RGN: variants seen among roughly 807,000 people sequenced by gnomAD.
RGN encodes the protein regucalcin.
A neutral mutation model predicts 20.6 loss-of-function variants in RGN; 19 were observed. That is an observed-to-expected ratio of 0.92 (90% CI 0.64 to 1.35). The LOEUF is 1.35. Ranked by LOEUF, RGN falls within the 40% of genes most tolerant of loss-of-function variation. The pLI is 0.00. For synonymous variants in RGN, 85 were observed against 87.2 expected (o/e 0.97, Z 0.14); for missense variants, 302 against 232.7 (o/e 1.30, Z -1.94).
rs192792256 is a variant in RGN at position 47,080,426 on chromosome X, C to A, written c.-526C>A. 9.0e-6 allele frequency: 1 copy of A among 111,649 alleles called. No individual in the cohort carries two copies. The highest frequency in any genetic ancestry group is 1.9e-5 in the Non-Finnish European group (1 of 53,175). The allele number at this position is 111,649 out of a possible 1,213,427, so 9.2% of individuals were successfully genotyped here. A position where few individuals can be genotyped will look rare whatever the true frequency, so the allele number is the denominator to read the frequency against. Reference sequence around the variant, plus strand: ...TCTAACACTCTTTGCCAAACTGGCACGGTGTCTTCCTGGGAAGCAAGAAAT... The same window carrying A: ...TCTAACACTCTTTGCCAAACTGGCAAGGTGTCTTCCTGGGAAGCAAGAAAT... On this transcript the variant is annotated 5_prime_UTR_variant, in exon 2 of 8. Coordinates refer to ENST00000397180, the MANE Select transcript of RGN (RefSeq NM_152869.4).
chrX:47,087,742 G>GT (rs1348696023), intron 4 of RGN: 1 of 106,628 alleles, frequency 9.4e-6, no homozygotes, highest in Non-Finnish European at 1.9e-5. Context: ...CATTGTAGGT[G>GT]TAACTATTAG....
Position 47,092,053 on chromosome X carries a change from T to C in RGN, c.695-8T>C. On this transcript the variant is annotated splice_region_variant and splice_polypyrimidine_tract_variant and intron_variant, in intron 6 of 7. Coordinates refer to ENST00000397180, the MANE Select transcript of RGN (RefSeq NM_152869.4). ...ACTAAACTTAAAATAAAATATTTGG[T>C]GGTCTAGGGAAAAGACTTCAAACTG... 3.3e-6 allele frequency: 4 copies of C among 1,197,096 alleles called. No homozygotes were observed. The highest frequency in any genetic ancestry group is 4.5e-6 in the Non-Finnish European group (4 of 885,535).
Position 47,091,814 on chromosome X carries a change from G to A in RGN, c.694+5G>A. On this transcript the variant is annotated splice_donor_5th_base_variant and intron_variant, in intron 6 of 7. Coordinates refer to ENST00000397180, the MANE Select transcript of RGN (RefSeq NM_152869.4). ...TTCGTTTAGATCCTGTGACAGGTAG[G>A]CCTGCAGCAAAATGAAAAATCCTTG... The A allele has an allele frequency of 2.5e-6, 3 of 1,202,341 alleles. No homozygotes were observed. The highest frequency in any genetic ancestry group is 2.2e-6 in the Non-Finnish European group (2 of 892,686).
Position 47,088,697 on chromosome X carries a change from C to T in RGN, c.347-1079C>T, listed in dbSNP as rs1157683869. Among the ~76,000 whole-genome samples the T allele has an allele frequency of 1.3e-4, 14 of 108,314 alleles. No individual in the cohort carries two copies. The Admixed American group carries it at 1.4e-3, about 11-fold the overall frequency. 94.1% of individuals were successfully genotyped at this position (108,314 alleles called of 115,157 possible). On this transcript the variant is annotated intron_variant, in intron 4 of 7. Coordinates refer to ENST00000397180, the MANE Select transcript of RGN (RefSeq NM_152869.4). ...CTATAATCCCAGCACTTTGGGAGGC[C>T]GAGGCAAGTAGATCACTTGAGCTCG...
rs5952997 is a variant in RGN, at chrX:47,092,954, G to A, written c.*7G>A. On this transcript the variant is annotated 3_prime_UTR_variant, in exon 8 of 8. Transcript: ENST00000397180. ...CTACTCCTATGCGGGATGAGGACAG[G>A]TCTTCTTTCCTGCCAGAGGGAGCTC... 13,433 of 1,189,238 alleles carry A rather than the reference G, an allele frequency of 0.011. 60 individuals are homozygous for A. Among genetic ancestry groups the A allele is most frequent in the Middle Eastern group, 0.015 (66 of 4,291 alleles).
At chrX:47,085,044 T>TATTGCCTG (rs1930523667) in intron 4 of RGN, 1 of 113,696 alleles carries the variant, frequency 8.8e-6, no homozygotes, top group Non-Finnish European at 1.8e-5. Context: ...CTTCTTTTAT[T>TATTGCCTG]ATTGCCTGAG....
rs1460855937 is a variant in RGN, at chrX:47,090,948, GAAAGAAAGA to G, written c.563-727_563-719del. Among the ~76,000 whole-genome samples the G allele has an allele frequency of 6.9e-4, 35 of 50,753 alleles. 2 individuals carry two copies. The highest frequency in any genetic ancestry group is 4.5e-3 in the Admixed American group (20 of 4,449). 44.1% of individuals were successfully genotyped at this position (50,753 alleles called of 115,157 possible). A position where few individuals can be genotyped will look rare whatever the true frequency, so the allele number is the denominator to read the frequency against. On this transcript the variant is annotated intron_variant, in intron 5 of 7. Transcript: ENST00000397180. The stretch of plus-strand genomic sequence containing the variant: ...AGAAAGAAAGAAAGAAAGAAAGAAA[GAAAGAAAGA>G]AAGAAAGAAAGAAAGAAAGAAAGAA...
At chrX:47,090,909 G>GAAAGA (rs1418685695) in intron 5 of RGN, among the ~76,000 whole-genome samples, 25 of 17,010 alleles carry the variant, frequency 1.5e-3, no homozygotes, top group African/African-American at 3.7e-3. Flanking sequence ...AAGAAAGAAA[G>GAAAGA]AAGAAGGAAA....
intron 7 of RGN, 46 bp downstream of exon 7, chrX:47,092,261 A>G (rs1176708627): frequency 9.4e-7 from 1 of 1,068,389 alleles, no homozygotes; most frequent in African/African-American, 1.9e-5. Flanking sequence ...GATCCCAAAT[A>G]CTTACAGGGG....
rs138747840 is a variant in RGN, at chrX:47,089,882, C to G, written c.453C>G (p.Asp151Glu). 947 of 1,205,604 alleles carry G rather than the reference C, an allele frequency of 7.9e-4. 1 individual carries two copies. The highest frequency in any genetic ancestry group is 9.6e-4 in the Non-Finnish European group (860 of 893,071). The change falls in exon 5 of 8, where the codon GAC becomes GAG. Residue 151 changes from aspartate (D) to glutamate (E), a missense_variant. Transcript: ENST00000397180. ...TGAAAAAGTACTTTGACCAGGTGGA[C>G]ATTTCCAATGGTTTGGATTGGTCGC... ...HHVKKYFDQV[D>E]ISNGLDWSLD... is the part of the protein sequence containing the mutation.
intron 4 of RGN, among the ~76,000 whole-genome samples, chrX:47,088,542 T>C (rs1930707893): frequency 9.0e-6 from 1 of 110,858 alleles, no homozygotes; most frequent in African/African-American, 3.3e-5. Context: ...GATTCTCTTC[T>C]CCTATGTGAG....
chrX:47,084,592 A>G lies in RGN; in HGVS notation c.338A>G (p.Tyr113Cys). 2 of 1,182,668 alleles carry G rather than the reference A, an allele frequency of 1.7e-6. No individual in the cohort carries two copies. The highest frequency in any genetic ancestry group is 1.1e-6 in the Non-Finnish European group (1 of 878,753). ...GGGAAGGTGGATCCCGCCGGGAGGT[A>G]CTTTGCTGGTAAGATTTCTCTTAAC... ...NDGKVDPAGR[Y>C]FAGTMAEETA... Residue 113 changes from tyrosine (Y) to cysteine (C), a missense_variant, in exon 4 of 8, where the codon TAC becomes TGC. By Grantham distance (194) the Tyr-to-Cys change is radical. Transcript: ENST00000397180.
At chrX:47,086,781 G>GAGAGAA (rs1930618574) in intron 4 of RGN, among the ~76,000 whole-genome samples, 1 of 91,183 alleles carries the variant, frequency 1.1e-5, no homozygotes, top group Non-Finnish European at 2.1e-5. Context: ...GAGAGAGAGA[G>GAGAGAA]AGAAAGAGAG....
In RGN at chrX:47,092,231, C is replaced by A; in HGVS notation, c.849+16C>A. 1 of 1,155,587 alleles carries A rather than the reference C, an allele frequency of 8.7e-7. No homozygotes were observed. On this transcript the variant is annotated intron_variant, in intron 7 of 7. Transcript: ENST00000397180. ...AATTTTCAAGGTGATATGGCTATTT[C>A]TTTTATTTTGGGGGTGGGGGATCCC...
intron 3 of RGN, 43 bp from the exon 4 acceptor site, chrX:47,084,375 A>G: frequency 4.5e-6 from 5 of 1,109,888 alleles, no homozygotes; most frequent in Non-Finnish European, 6.0e-6. Flanking sequence ...GGCCTCAGCC[A>G]CTAAACTGGT....
chrX:47,079,357 T>G (rs1191718688), intron 1 of RGN, among the ~76,000 whole-genome samples: 2 of 23,719 alleles, frequency 8.4e-5, no homozygotes, highest in African/African-American at 4.6e-4. Context: ...TTTTTGTTTG[T>G]TTTTTTTTTT....
At chrX:47,085,214 C>T (rs1036403290) in intron 4 of RGN, among the ~76,000 whole-genome samples, 1 of 111,020 alleles carries the variant, frequency 9.0e-6, no homozygotes, top group East Asian at 2.8e-4. Context: ...TTCAAATTTA[C>T]AGAGAAAAAT....
chrX:47,084,537 A>T lies in RGN; in HGVS notation c.283A>T (p.Asn95Tyr), dbSNP rs542199715. 9.4e-5 allele frequency: 113 copies of T among 1,201,480 alleles called. 1 individual carries two copies. In the South Asian group the frequency reaches 2.0e-3, roughly 22 times the overall value. ...QSAVVLATVD[N>Y]DKKNNRFNDG... Reference sequence around the variant, plus strand: ...AGCAGTTGTCTTGGCCACGGTGGATAACGACAAGAAAAACAATCGCTTCAA... The same window carrying T: ...AGCAGTTGTCTTGGCCACGGTGGATTACGACAAGAAAAACAATCGCTTCAA... The change falls in exon 4 of 8, where the codon AAC becomes TAC. Residue 95 changes from asparagine (N) to tyrosine (Y), a missense_variant. Physicochemically the swap from Asn to Tyr is moderately radical, Grantham distance 143 (BLOSUM62 -2). Transcript: ENST00000397180.
At position 47,080,793 on chromosome X, in the gene RGN, T is replaced by G. The variant is rs868918843; in HGVS notation, c.-159T>G. ...AAACTGCCAGCTCCCTGACCCGCCC[T>G]GGGGCCCAGGGTATTGACATAAAGG... is the stretch of plus-strand genomic sequence containing the variant. On this transcript the variant is annotated 5_prime_UTR_variant, in exon 2 of 8. Coordinates refer to ENST00000397180, the MANE Select transcript of RGN (RefSeq NM_152869.4). 92 of 144,500 alleles carry G rather than the reference T, an allele frequency of 6.4e-4. 1 individual carries two copies. The highest frequency in any genetic ancestry group is 2.6e-3 in the African/African-American group (83 of 31,634). 11.9% of individuals were successfully genotyped at this position (144,500 alleles called of 1,213,427 possible).
Sources: gnomAD v4.1 joint callset for allele counts (sites outside exome capture counted in the v4.1 genomes callset) on GRCh38, gnomAD v4.1.1 for gene constraint, MANE v1.5 for transcripts, NCBI Gene and HGNC (gene_info 2026-07-23, HGNC 2026-07-21) for gene names.